The following SYNPR variants were observed in gnomAD, a reference collection of about 807,000 sequenced individuals.
SYNPR encodes synaptoporin.
SYNPR carries 23 observed loss-of-function variants against 32.9 expected under a neutral mutation model. That is an observed-to-expected ratio of 0.70 (90% CI 0.50 to 0.99). SYNPR has a LOEUF of 0.99. Ranked by LOEUF, SYNPR falls within the 50% of genes least tolerant of loss-of-function variation. The probability of loss-of-function intolerance (pLI) is 0.00; values close to 1 mark genes in which losing one functional copy is unlikely to be tolerated. For synonymous variants in SYNPR, 146 were observed against 135.9 expected (o/e 1.07, Z -0.52); for missense variants, 318 against 349.3 (o/e 0.91, Z 0.71).
chr3:63,592,094 C>A (rs536477054), intron 4 of SYNPR, among the ~76,000 whole-genome samples: 3 of 151,786 alleles, frequency 2.0e-5, no homozygotes, highest in Non-Finnish European at 4.4e-5. Context: ...AAAGAAGAGA[C>A]AATGATACAC....
intron 4 of SYNPR, among the ~76,000 whole-genome samples, chr3:63,585,479 CA>C (rs1703168874): frequency 6.6e-6 from 1 of 151,580 alleles, no homozygotes. Context: ...ACCCACCACA[CA>C]CACACACACC....
chr3:63,449,701 C>T (rs1214663707), intron 2 of SYNPR, among the ~76,000 whole-genome samples: 1 of 152,152 alleles, frequency 6.6e-6, no homozygotes. Flanking sequence ...AAGTTGCTTT[C>T]CCCGAATATA....
chr3:63,233,511 G>T (rs1369036563), intron 1 of SYNPR, among the ~76,000 whole-genome samples: 2 of 152,116 alleles, frequency 1.3e-5, no homozygotes, highest in Non-Finnish European at 2.9e-5. Flanking sequence ...GGATACCACT[G>T]CCATTACTAA....
At chr3:63,477,113 A>T (rs1410983023) in intron 2 of SYNPR, among the ~76,000 whole-genome samples, 1 of 152,078 alleles carries the variant, frequency 6.6e-6, no homozygotes, top group African/African-American at 2.4e-5. Flanking sequence ...CCATGTAAGG[A>T]GGAATGGTTG....
At chr3:63,499,670 C>G (rs543540540) in intron 3 of SYNPR, among the ~76,000 whole-genome samples, 1 of 152,032 alleles carries the variant, frequency 6.6e-6, no homozygotes, top group Non-Finnish European at 1.5e-5. Context: ...GTGACAGAGA[C>G]GGGAGGTGAG....
At chr3:63,530,588 C>T (rs113208807) in intron 3 of SYNPR, among the ~76,000 whole-genome samples, 2,318 of 152,222 alleles carry the variant, frequency 0.015, 48 homozygotes, top group African/African-American at 0.049. Flanking sequence ...AGCTATATTG[C>T]AAGGTCTTCT....
intron 3 of SYNPR, among the ~76,000 whole-genome samples, chr3:63,543,496 G>C (rs2106808121): frequency 6.6e-6 from 1 of 152,208 alleles, no homozygotes; most frequent in South Asian, 2.1e-4. Context: ...GTCTTAATCT[G>C]TGGGTGAAAG....
intron 4 of SYNPR, among the ~76,000 whole-genome samples, chr3:63,572,136 T>C (rs1298329720): frequency 6.6e-6 from 1 of 152,208 alleles, no homozygotes; most frequent in Non-Finnish European, 1.5e-5. Context: ...TTGGGTGTCC[T>C]GGGACAGCAA....
chr3:63,364,395 T>G (rs548185708), intron 2 of SYNPR, among the ~76,000 whole-genome samples: 2 of 152,206 alleles, frequency 1.3e-5, no homozygotes, highest in South Asian at 4.1e-4. Flanking sequence ...GGACAAATAC[T>G]CAAATAGATA....
intron 2 of SYNPR, among the ~76,000 whole-genome samples, chr3:63,404,824 T>C (rs1374195967): frequency 6.6e-6 from 1 of 152,196 alleles, no homozygotes; most frequent in Non-Finnish European, 1.5e-5. Flanking sequence ...ATCTGCTTCA[T>C]GTATTTAACA....
intron 2 of SYNPR, among the ~76,000 whole-genome samples, chr3:63,428,656 G>A (rs947640691): frequency 6.6e-6 from 1 of 152,224 alleles, no homozygotes; most frequent in African/African-American, 2.4e-5. Flanking sequence ...ACTGGTCTAG[G>A]CTAGGACAGA....
chr3:63,573,547 G>C (rs1473372567), intron 4 of SYNPR, among the ~76,000 whole-genome samples: 1 of 152,124 alleles, frequency 6.6e-6, no homozygotes, highest in Non-Finnish European at 1.5e-5. Flanking sequence ...ATGAATGCTG[G>C]GAGCAGCTTT....
At chr3:63,397,090 C>T (rs1009498636) in intron 2 of SYNPR, among the ~76,000 whole-genome samples, 5 of 124,036 alleles carry the variant, frequency 4.0e-5, no homozygotes, top group Admixed American at 9.6e-5. Context: ...GGCAACAGAG[C>T]GAGACTCCGT....
At chr3:63,243,611 C>T (rs1470798081) in intron 1 of SYNPR, among the ~76,000 whole-genome samples, 1 of 152,044 alleles carries the variant, frequency 6.6e-6, no homozygotes, top group Non-Finnish European at 1.5e-5. Flanking sequence ...AAGCATGTAG[C>T]TTGGAGGTTG....
intron 2 of SYNPR, chr3:63,442,987 T>C (rs1224429296): frequency 1.0e-6 from 1 of 983,886 alleles, no homozygotes; most frequent in African/African-American, 1.7e-5. Flanking sequence ...AATCTCCTAG[T>C]TTGTTTTTAA....
intron 1 of SYNPR, among the ~76,000 whole-genome samples, chr3:63,234,085 A>G (rs915669071): frequency 2.6e-5 from 4 of 152,206 alleles, no homozygotes; most frequent in Non-Finnish European, 5.9e-5. Flanking sequence ...GAAATTTACA[A>G]AAGAAAGAGG....
Position 63,612,678 on chromosome 3 carries a change from A to G in SYNPR, c.601-2546A>G, listed in dbSNP as rs148698169. Among the ~76,000 whole-genome samples the G allele has an allele frequency of 1.0e-3, 159 of 152,090 alleles. 1 individual carries two copies. The East Asian group carries it at 0.023, about 22-fold the overall frequency. On this transcript the variant is annotated intron_variant, in intron 5 of 5. Transcript: ENST00000478300. ...TGTGATGCTAGAGTAAAAAATCAGT[A>G]CTCCTTAAATATGCCCATTGAAATG... is the stretch of plus-strand genomic sequence containing the variant.
intron 3 of SYNPR, among the ~76,000 whole-genome samples, chr3:63,513,027 C>A (rs9311876): frequency 0.73 from 110,326 of 151,814 alleles, 40,809 homozygotes; most frequent in African/African-American, 0.87. Flanking sequence ...TTACTGCAGG[C>A]AAGGGGGATT....
chr3:63,408,142 AAAAGAAAGAAAG>A (rs199743513), intron 2 of SYNPR, among the ~76,000 whole-genome samples: 3,298 of 28,468 alleles, frequency 0.12, 427 homozygotes, highest in Admixed American at 0.18. Flanking sequence ...TAGAAGAAAG[AAAAGAAAGAAAG>A]AAAGAAAGAA....
Sources: allele counts gnomAD v4.1 joint callset (sites outside exome capture counted in the v4.1 genomes callset), GRCh38; gene constraint gnomAD v4.1.1; transcripts MANE v1.5; gene names NCBI Gene and HGNC (gene_info 2026-07-23, HGNC 2026-07-21).